RBL1: variants seen among roughly 807,000 people sequenced by gnomAD.
The protein encoded by RBL1 is RB transcriptional corepressor like 1.
In RBL1, 82 loss-of-function variants were observed where a neutral mutation model predicts 123.0. The observed-to-expected ratio is 0.67, with a 90% CI of 0.56 to 0.80. RBL1 has a LOEUF of 0.80. RBL1 is among the 30% of genes least tolerant of loss of function. The pLI is 0.00. For missense variants in RBL1, 1,171 were observed against 1,299.6 expected, an observed-to-expected ratio of 0.90 and a Z score of 1.52; for synonymous variants, 405 against 441.3, an observed-to-expected ratio of 0.92 and a Z score of 1.03.
chr20:37,066,649 G>C lies in RBL1; in HGVS notation c.846+75C>G. On this transcript the variant is annotated intron_variant, in intron 6 of 21. Coordinates refer to ENST00000373664, the MANE Select transcript of RBL1 (RefSeq NM_002895.5). ...CTAAGTTCTATAATGCTGAGAACTT[G>C]CTTAAAACATTTTTTTCTTTTCACA... 2.1e-6 allele frequency: 3 copies of C among 1,401,436 alleles called. No individual in the cohort carries two copies. In the South Asian group the frequency reaches 4.0e-5, roughly 19 times the overall value. The allele number at this position is 1,401,436 out of a possible 1,614,324, so 86.8% of individuals were successfully genotyped here. A position where few individuals can be genotyped will look rare whatever the true frequency, so the allele number is the denominator to read the frequency against.
At chr20:37,092,416 A>AGTC (rs2065663876) in intron 1 of RBL1, among the ~76,000 whole-genome samples, 2 of 152,064 alleles carry the variant, frequency 1.3e-5, no homozygotes, top group Middle Eastern at 3.4e-3. Flanking sequence ...GGGCCACTGC[A>AGTC]GTCTTGACTT....
intron 13 of RBL1, among the ~76,000 whole-genome samples, chr20:37,043,636 C>T (rs571976621): frequency 6.6e-6 from 1 of 152,158 alleles, no homozygotes; most frequent in African/African-American, 2.4e-5. Context: ...TTGTCCACTG[C>T]ACACCAGCCC....
In RBL1 at chr20:37,059,523, T is replaced by C. The variant is rs554304713; in HGVS notation, c.1250+1580A>G. Among the ~76,000 whole-genome samples, 130 of 152,304 alleles carry C rather than the reference T, an allele frequency of 8.5e-4. 1 individual carries two copies. The highest frequency in any genetic ancestry group is 1.2e-3 in the African/African-American group (51 of 41,574). ...GCTGGTGGTACATACGGACTTTCAA[T>C]TGGGAAGGTTTGTATGACTTTTTAT... is the stretch of plus-strand genomic sequence containing the variant. On this transcript the variant is annotated intron_variant, in intron 9 of 21. Transcript: ENST00000373664.
intron 21 of RBL1, among the ~76,000 whole-genome samples, chr20:37,000,717 A>G (rs1335351976): frequency 3.5e-4 from 36 of 101,530 alleles, no homozygotes; most frequent in African/African-American, 1.4e-3. Flanking sequence ...TCCGGGAGGG[A>G]GGCGGGGAGG....
At chr20:37,083,628 T>TAG (rs2065491236) in intron 2 of RBL1, among the ~76,000 whole-genome samples, 1 of 14,216 alleles carries the variant, frequency 7.0e-5, no homozygotes, top group Non-Finnish European at 1.5e-4. Context: ...CTACTAAAAA[T>TAG]ACAAAAAAAA....
At chr20:37,045,022 A>G (rs1264895342) in intron 12 of RBL1, among the ~76,000 whole-genome samples, 1 of 152,026 alleles carries the variant, frequency 6.6e-6, no homozygotes, top group African/African-American at 2.4e-5. Flanking sequence ...TACACAAAAT[A>G]TTAATAATAT....
At chr20:37,028,133 G>A (rs761768891) in intron 16 of RBL1, among the ~76,000 whole-genome samples, 67 of 152,202 alleles carry the variant, frequency 4.4e-4, no homozygotes, top group Non-Finnish European at 7.9e-4. Flanking sequence ...GGGAGGCTGT[G>A]GTGGGCAGAT....
At chr20:37,007,370 T>TAATTG (rs2064091465) in intron 20 of RBL1, 41 bp downstream of exon 20, 1 of 1,589,198 alleles carries the variant, frequency 6.3e-7, no homozygotes, top group East Asian at 2.2e-5. Context: ...AATCCAACTA[T>TAATTG]GACAGCAAAT....
intron 16 of RBL1, among the ~76,000 whole-genome samples, chr20:37,027,102 T>C (rs1184800811): frequency 6.6e-6 from 1 of 151,844 alleles, no homozygotes; most frequent in Non-Finnish European, 1.5e-5. Context: ...TCCCAGCACT[T>C]TGGGAGGCTG....
intron 2 of RBL1, among the ~76,000 whole-genome samples, chr20:37,087,258 C>T (rs2146333826): frequency 6.6e-6 from 1 of 151,892 alleles, no homozygotes; most frequent in South Asian, 2.1e-4. Flanking sequence ...TCGCTTGAAC[C>T]CGGGAGGCGG....
At chr20:37,055,452 T>C (rs929210755) in intron 11 of RBL1, 101 bp downstream of exon 11, 6 of 1,568,478 alleles carry the variant, frequency 3.8e-6, no homozygotes, top group African/African-American at 2.7e-5. Context: ...AAGTGTGTCA[T>C]AGATTGGTGA....
intron 21 of RBL1, among the ~76,000 whole-genome samples, chr20:36,999,592 C>A (rs1053365561): frequency 6.6e-6 from 1 of 152,046 alleles, no homozygotes; most frequent in Admixed American, 6.6e-5. Context: ...AACCTCCCTG[C>A]CTGATTCTCC....
intron 21 of RBL1, among the ~76,000 whole-genome samples, chr20:37,000,948 C>G (rs1473672649): frequency 7.2e-6 from 1 of 138,158 alleles, no homozygotes; most frequent in Non-Finnish European, 1.6e-5. Flanking sequence ...AGGTGAGGGG[C>G]GCCTCTGCCC....
At chr20:37,070,422 C>T (rs2065266064) in intron 2 of RBL1, among the ~76,000 whole-genome samples, 1 of 151,700 alleles carries the variant, frequency 6.6e-6, no homozygotes, top group South Asian at 2.1e-4. Flanking sequence ...TGTCCTATGA[C>T]CCTGCCAAAT....
At chr20:37,094,223 A>G (rs1468948358) in intron 1 of RBL1, among the ~76,000 whole-genome samples, 1 of 152,170 alleles carries the variant, frequency 6.6e-6, no homozygotes, top group East Asian at 1.9e-4. Flanking sequence ...ACCTTGGGCA[A>G]GAGAGACCAA....
intron 1 of RBL1, among the ~76,000 whole-genome samples, chr20:37,092,475 C>A (rs183664908): frequency 4.6e-5 from 7 of 152,164 alleles, no homozygotes; most frequent in East Asian, 3.9e-4. Context: ...CTCAAGCAAT[C>A]CCCCCACCTT....
intron 16 of RBL1, among the ~76,000 whole-genome samples, chr20:37,029,117 C>T (rs2064466702): frequency 6.6e-6 from 1 of 152,124 alleles, no homozygotes; most frequent in African/African-American, 2.4e-5. Flanking sequence ...ATAATCATTT[C>T]AAGTGATACA....
chr20:37,038,420 C>T (rs148935808), intron 14 of RBL1, among the ~76,000 whole-genome samples: 2,288 of 150,028 alleles, frequency 0.015, 23 homozygotes, highest in Admixed American at 0.026. Flanking sequence ...CCTGCCTCAG[C>T]CTCCCGAGTA....
At chr20:37,049,267 TGAAAACCCTTACAGG>T in intron 11 of RBL1, 1 of 540,558 alleles carries the variant, frequency 1.8e-6, no homozygotes, top group Non-Finnish European at 3.3e-6. Flanking sequence ...CAGATTTTCG[TGAAAACCCTTACAGG>T]GAAAACCATC....
Sources: gnomAD v4.1 joint callset for allele counts (sites outside exome capture counted in the v4.1 genomes callset) on GRCh38, gnomAD v4.1.1 for gene constraint, MANE v1.5 for transcripts, NCBI Gene and HGNC (gene_info 2026-07-23, HGNC 2026-07-21) for gene names.